Variants in PIK3R5 observed in about 807,000 individuals in gnomAD.
The protein encoded by PIK3R5 is phosphoinositide-3-kinase regulatory subunit 5, also known as phosphoinositide 3-kinase regulatory subunit 5.
Under a neutral mutation model 94.9 loss-of-function variants are expected in PIK3R5, and 32 were observed. The observed-to-expected ratio is 0.34, with a 90% CI of 0.25 to 0.45. The LOEUF (loss-of-function observed/expected upper bound fraction) is 0.45. Ranked by LOEUF, PIK3R5 falls within the 20% of genes least tolerant of loss-of-function variation. PIK3R5 has a pLI of 1.00. For missense variants in PIK3R5, 853 were observed against 1,144.6 expected (o/e 0.75, Z 3.68); for synonymous variants, 443 against 479.4 (o/e 0.92, Z 0.99).
intron 3 of PIK3R5, among the ~76,000 whole-genome samples, chr17:8,908,530 A>AACACACACACACACAC (rs3138608): frequency 4.4e-5 from 6 of 136,582 alleles, no homozygotes; most frequent in East Asian, 4.4e-4. Flanking sequence ...AAATAATTAA[A>AACACACACACACACAC]ACACACACAC....
chr17:8,905,739 T>C lies in PIK3R5; in HGVS notation c.205-2A>G. 6.3e-7 allele frequency: 1 copy of C among 1,593,158 alleles called. No homozygotes were observed. Among genetic ancestry groups the C allele is most frequent in the Non-Finnish European group, 8.6e-7 (1 of 1,169,148 alleles). On this transcript the variant is annotated splice_acceptor_variant, in intron 3 of 18. Coordinates refer to ENST00000447110, the MANE Select transcript of PIK3R5 (RefSeq NM_001142633.3). LOFTEE classifies it high-confidence loss of function. ...GTCGTAGGTGCCCTTCTCCTGGACC[T>C]GTGGAGAGGAGGAGAAGGGGAATGA...
intron 1 of PIK3R5, among the ~76,000 whole-genome samples, chr17:8,940,333 T>A (rs2091152863): frequency 6.6e-6 from 1 of 152,150 alleles, no homozygotes; most frequent in Admixed American, 6.5e-5. Context: ...CTCTCCACCG[T>A]GGTACATTAT....
rs748081749 is a variant in PIK3R5, at chr17:8,904,482, C to A, written c.412+295G>T. The stretch of plus-strand genomic sequence containing the variant: ...TAGCCTTGGAGACCCCTTGACTAAC[C>A]AGATCAGAGGCACAGGCCAAGGTGG... On this transcript the variant is annotated intron_variant, in intron 5 of 18. Coordinates refer to ENST00000447110, the MANE Select transcript of PIK3R5 (RefSeq NM_001142633.3). The surrounding 1 kb of genome is among the most constrained non-coding windows in gnomAD (Gnocchi z 5.1). 1.5e-4 allele frequency among the ~76,000 whole-genome samples: 23 copies of A among 152,314 alleles called. 1 individual carries two copies. The highest frequency in any genetic ancestry group is 2.2e-4 in the Non-Finnish European group (15 of 68,026).
In PIK3R5 at chr17:8,925,209, T is replaced by C. The variant is rs903551313; in HGVS notation, c.-13-13702A>G. Among the ~76,000 whole-genome samples, 23 of 151,376 alleles carry C rather than the reference T, an allele frequency of 1.5e-4. No homozygotes were observed. Among genetic ancestry groups the C allele is most frequent in the African/African-American group, 4.9e-4 (20 of 40,974 alleles). ...GATAGACAGAAAGTAGATGGATAGA[T>C]AGATAGATAGTAGATGGATAGATAG... On this transcript the variant is annotated intron_variant, in intron 1 of 18. Coordinates refer to ENST00000447110, the MANE Select transcript of PIK3R5 (RefSeq NM_001142633.3). This position sits in a 1 kb window ranked among gnomAD's most constrained non-coding sequence, Gnocchi z 5.1.
chr17:8,884,840 A>G lies in PIK3R5; in HGVS notation c.2129-57T>C, dbSNP rs947322351. 5.3e-6 allele frequency: 8 copies of G among 1,496,114 alleles called. No individual in the cohort carries two copies. Among genetic ancestry groups the G allele is most frequent in the African/African-American group, 1.4e-5 (1 of 72,520 alleles). The allele number at this position is 1,496,114 out of a possible 1,614,324, so 92.7% of individuals were successfully genotyped here. ...CCCTGGCTTCCCCGGCTCCTCACGA[A>G]CGCAGTGGCCTTGCCTCCCTGGGCC... On this transcript the variant is annotated intron_variant, in intron 14 of 18. Transcript: ENST00000447110. The surrounding 1 kb of genome is among the most constrained non-coding windows in gnomAD (Gnocchi z 5.8).
In PIK3R5 at chr17:8,879,148, T is replaced by G. The variant is rs1003941955; in HGVS notation, c.*1491A>C. ...CACGTCTCTCAAGTCATGAGTACTC[T>G]GGGCTGGAATTTCACGTAAGGCCTT... On this transcript the variant is annotated 3_prime_UTR_variant, in exon 19 of 19. Coordinates refer to ENST00000447110, the MANE Select transcript of PIK3R5 (RefSeq NM_001142633.3). The surrounding 1 kb of genome is among the most constrained non-coding windows in gnomAD (Gnocchi z 4.4). 6.6e-6 allele frequency: 1 copy of G among 152,178 alleles called. No homozygotes were observed. Among genetic ancestry groups the G allele is most frequent in the Non-Finnish European group, 1.5e-5 (1 of 68,038 alleles). 9.4% of individuals were successfully genotyped at this position (152,178 alleles called of 1,614,324 possible).
intron 1 of PIK3R5, among the ~76,000 whole-genome samples, chr17:8,947,715 A>G (rs56013655): frequency 0.04 from 6,082 of 152,268 alleles, 394 homozygotes; most frequent in African/African-American, 0.14. Context: ...GATACGAAAG[A>G]GAGAGAATGA....
intron 10 of PIK3R5, among the ~76,000 whole-genome samples, chr17:8,887,952 G>A (rs559710393): frequency 4.7e-5 from 7 of 149,806 alleles, no homozygotes; most frequent in African/African-American, 1.7e-4. Flanking sequence ...AGTGAGCCGA[G>A]ATCATGCCAC....
chr17:8,890,340 C>G lies in PIK3R5; in HGVS notation c.658-214G>C, dbSNP rs560921662. Among the ~76,000 whole-genome samples the G allele has an allele frequency of 7.2e-5, 11 of 152,306 alleles. No homozygotes were observed. Among genetic ancestry groups the G allele is most frequent in the African/African-American group, 2.2e-4 (9 of 41,558 alleles). On this transcript the variant is annotated intron_variant, in intron 7 of 18. Coordinates refer to ENST00000447110, the MANE Select transcript of PIK3R5 (RefSeq NM_001142633.3). This position sits in a 1 kb window ranked among gnomAD's most constrained non-coding sequence, Gnocchi z 6.1. ...GAGAGAAAGATCCAGAGCCACGGCACTGCAGTTAGGAGGGACTTCAGCGCT... is the reference window on the plus strand; with the variant it reads ...GAGAGAAAGATCCAGAGCCACGGCAGTGCAGTTAGGAGGGACTTCAGCGCT...
Position 8,888,960 on chromosome 17 carries a change from A to G in PIK3R5, c.896-69T>C. On this transcript the variant is annotated intron_variant, in intron 9 of 18. Transcript: ENST00000447110. This position sits in a 1 kb window ranked among gnomAD's most constrained non-coding sequence, Gnocchi z 7.8. Reference sequence around the variant, plus strand: ...GGATCCCCTTCTATATTCCCTTTGGAGGGGAGACAGCAGGACTCAGGGCCA... The same window carrying G: ...GGATCCCCTTCTATATTCCCTTTGGGGGGGAGACAGCAGGACTCAGGGCCA... 6.5e-7 allele frequency: 1 copy of G among 1,544,022 alleles called. No homozygotes were observed. Among genetic ancestry groups the G allele is most frequent in the Non-Finnish European group, 8.7e-7 (1 of 1,149,624 alleles).
chr17:8,906,163 C>G (rs999203243), intron 3 of PIK3R5, among the ~76,000 whole-genome samples: 1 of 152,150 alleles, frequency 6.6e-6, no homozygotes, highest in Non-Finnish European at 1.5e-5. Flanking sequence ...CCTTGTCCCC[C>G]ATCCCCGACA....
chr17:8,935,043 A>T lies in PIK3R5; in HGVS notation c.-13-23536T>A, dbSNP rs1055628462. On this transcript the variant is annotated intron_variant, in intron 1 of 18. Transcript: ENST00000447110. This position sits in a 1 kb window ranked among gnomAD's most constrained non-coding sequence, Gnocchi z 4.5. ...CCCTGTTTCTGATGTGGATCTTAAT[A>T]TGCATTCTTCTGTCTTCCATTTCCA... is the stretch of plus-strand genomic sequence containing the variant. Among the ~76,000 whole-genome samples the T allele has an allele frequency of 6.6e-6, 1 of 152,116 alleles. No homozygotes were observed. The highest frequency in any genetic ancestry group is 1.5e-5 in the Non-Finnish European group (1 of 68,026).
Position 8,881,652 on chromosome 17 carries a change from T to C in PIK3R5, c.2360A>G (p.Lys787Arg). The change falls in exon 17 of 19, where the codon AAA becomes AGA. Residue 787 changes from lysine (K) to arginine (R), a missense_variant. Transcript: ENST00000447110. This position sits in a 1 kb window ranked among gnomAD's most constrained non-coding sequence, Gnocchi z 4.8. Reference sequence around the variant, plus strand: ...TACCTGGTTAAAGCCCTTCTTGGATTTGGAGTTCTGCCTTTTCACCACTTC... The same window carrying C: ...TACCTGGTTAAAGCCCTTCTTGGATCTGGAGTTCTGCCTTTTCACCACTTC... Reference protein sequence around the residue: ...LTEVVKRQNSKSKKGFNQIST... With the variant: ...LTEVVKRQNSRSKKGFNQIST... The C allele has an allele frequency of 6.2e-7, 1 of 1,613,430 alleles. No individual in the cohort carries two copies. The highest frequency in any genetic ancestry group is 8.5e-7 in the Non-Finnish European group (1 of 1,179,632).
In PIK3R5 at chr17:8,909,444, C is replaced by T. The variant is rs531849071; in HGVS notation, c.104-270G>A. On this transcript the variant is annotated intron_variant, in intron 2 of 18. Coordinates refer to ENST00000447110, the MANE Select transcript of PIK3R5 (RefSeq NM_001142633.3). This position sits in a 1 kb window ranked among gnomAD's most constrained non-coding sequence, Gnocchi z 4.3. Reference sequence around the variant, plus strand: ...AGCTGGGATTACAGGCACGTGCCACCGCACCCAGCTAATTTTTGTATTTTA... The same window carrying T: ...AGCTGGGATTACAGGCACGTGCCACTGCACCCAGCTAATTTTTGTATTTTA... Among the ~76,000 whole-genome samples, 3 of 152,258 alleles carry T rather than the reference C, an allele frequency of 2.0e-5. No individual in the cohort carries two copies. The highest frequency in any genetic ancestry group is 6.5e-5 in the Admixed American group (1 of 15,296).
At position 8,888,964 on chromosome 17, in the gene PIK3R5, G is replaced by T; in HGVS notation, c.896-73C>A. On this transcript the variant is annotated intron_variant, in intron 9 of 18. Coordinates refer to ENST00000447110, the MANE Select transcript of PIK3R5 (RefSeq NM_001142633.3). The surrounding 1 kb of genome is among the most constrained non-coding windows in gnomAD (Gnocchi z 7.8). ...CCCCTTCTATATTCCCTTTGGAGGG[G>T]AGACAGCAGGACTCAGGGCCAGCCC... is the stretch of plus-strand genomic sequence containing the variant. 6.5e-7 allele frequency: 1 copy of T among 1,542,112 alleles called. No homozygotes were observed.
At chr17:8,922,590 G>C (rs1259210508) in intron 1 of PIK3R5, among the ~76,000 whole-genome samples, 1 of 152,118 alleles carries the variant, frequency 6.6e-6, no homozygotes, top group Non-Finnish European at 1.5e-5. Flanking sequence ...TGAGTGTACT[G>C]TTTCGTCTCA....
At chr17:8,900,463 G>A (rs1390308653) in intron 5 of PIK3R5, among the ~76,000 whole-genome samples, 1 of 152,314 alleles carries the variant, frequency 6.6e-6, no homozygotes, top group East Asian at 1.9e-4. Context: ...TTCCTATTTT[G>A]GTTCTGCTTT....
At chr17:8,960,356 A>G (rs908490974) in intron 1 of PIK3R5, among the ~76,000 whole-genome samples, 1 of 152,254 alleles carries the variant, frequency 6.6e-6, no homozygotes, top group Non-Finnish European at 1.5e-5. Context: ...AACTATATTG[A>G]GTTCCCTTTC....
chr17:8,910,932 C>T (rs2151414269), intron 2 of PIK3R5, among the ~76,000 whole-genome samples: 1 of 152,102 alleles, frequency 6.6e-6, no homozygotes, highest in East Asian at 1.9e-4. Context: ...TTTTTTAGTC[C>T]TGGGAGGTGG....
Sources: allele counts gnomAD v4.1 joint callset (sites outside exome capture counted in the v4.1 genomes callset), GRCh38; gene constraint gnomAD v4.1.1; non-coding constraint Gnocchi (gnomAD v3.1); transcripts MANE v1.5; gene names NCBI Gene and HGNC (gene_info 2026-07-23, HGNC 2026-07-21).